Variants in CSMD1 observed in about 807,000 individuals in gnomAD.
CSMD1 encodes CUB and Sushi multiple domains 1, also known as CUB and sushi domain-containing protein 1.
In CSMD1, 213 loss-of-function variants were observed where a neutral mutation model predicts 417.5. The observed-to-expected ratio is 0.51, with a 90% CI of 0.46 to 0.57. The LOEUF (loss-of-function observed/expected upper bound fraction) is 0.57, where lower values mean the gene tolerates loss of function less well. Ranked by LOEUF, CSMD1 falls within the 20% of genes least tolerant of loss-of-function variation. The probability of loss-of-function intolerance (pLI) is 0.00; values close to 1 mark genes in which losing one functional copy is unlikely to be tolerated. For missense variants in CSMD1, 6,923 were observed against 4,529.7 expected (o/e 1.53, Z -15.17); for synonymous variants, 2,862 against 1,736.8 (o/e 1.65, Z -16.11).
At chr8:3,280,628 A>G (rs957452536) in intron 26 of CSMD1, among the ~76,000 whole-genome samples, 2 of 152,178 alleles carry the variant, frequency 1.3e-5, no homozygotes, top group Middle Eastern at 3.2e-3. Flanking sequence ...GTTACGTGAA[A>G]CCATGTGAAA....
At position 4,697,455 on chromosome 8, in the gene CSMD1, A is replaced by C. The variant is rs1288083322; in HGVS notation, c.86-59897T>G. ...ATTTGCTTACAGAGGCAAGTTCAAT[A>C]CGTAAAAAATTTGGCAGCTATTAGG... On this transcript the variant is annotated intron_variant, in intron 1 of 69. Transcript: ENST00000635120. Among the ~76,000 whole-genome samples the C allele has an allele frequency of 2.0e-5, 3 of 152,162 alleles. No homozygotes were observed. In the East Asian group the frequency reaches 5.8e-4, roughly 29 times the overall value.
chr8:4,433,378 G>A (rs1306351607), intron 2 of CSMD1, among the ~76,000 whole-genome samples: 2 of 152,088 alleles, frequency 1.3e-5, no homozygotes, highest in East Asian at 1.9e-4. Context: ...TCATGGACAT[G>A]ACATCATTAC....
intron 3 of CSMD1, among the ~76,000 whole-genome samples, chr8:4,249,545 G>C (rs931780320): frequency 1.3e-5 from 2 of 152,184 alleles, no homozygotes; most frequent in African/African-American, 4.8e-5. Flanking sequence ...GACTCTCAGG[G>C]AGACCTGAGG....
chr8:4,385,960 G>T (rs1278748482), intron 3 of CSMD1, among the ~76,000 whole-genome samples: 1 of 152,212 alleles, frequency 6.6e-6, no homozygotes, highest in East Asian at 1.9e-4. Flanking sequence ...CCAACCCAGA[G>T]CATCAGCATC....
chr8:4,842,071 G>C (rs535105070), intron 1 of CSMD1, among the ~76,000 whole-genome samples: 1 of 152,088 alleles, frequency 6.6e-6, no homozygotes, highest in Non-Finnish European at 1.5e-5. Context: ...AAATTTCCTG[G>C]ACGTCACCTA....
chr8:3,549,864 A>G (rs1361185022), intron 10 of CSMD1, among the ~76,000 whole-genome samples: 1 of 152,222 alleles, frequency 6.6e-6, no homozygotes, highest in African/African-American at 2.4e-5. Flanking sequence ...ACAGTGGAGT[A>G]ACATATGCTC....
chr8:4,105,337 ATTTTT>A (rs35419182), intron 3 of CSMD1, among the ~76,000 whole-genome samples: 1 of 151,140 alleles, frequency 6.6e-6, no homozygotes, highest in Non-Finnish European at 1.5e-5. Flanking sequence ...ACACTTCTGA[ATTTTT>A]TTTTTATGTT....
intron 18 of CSMD1, chr8:3,373,271 C>T (rs1033138555): frequency 6.6e-6 from 1 of 152,092 alleles, no homozygotes. Flanking sequence ...GTGCTCTGCC[C>T]TCTTTTTGAT....
intron 1 of CSMD1, among the ~76,000 whole-genome samples, chr8:4,765,702 T>C (rs891031899): frequency 2.0e-5 from 3 of 152,200 alleles, no homozygotes; most frequent in South Asian, 4.1e-4. Flanking sequence ...CTAATTCAGA[T>C]TGTGCCCAAT....
intron 3 of CSMD1, among the ~76,000 whole-genome samples, chr8:4,120,275 G>T (rs1802407948): frequency 6.7e-6 from 1 of 150,122 alleles, no homozygotes; most frequent in Non-Finnish European, 1.5e-5. Context: ...GTAAAGAAGG[G>T]TTTTCACCTT....
chr8:4,939,600 C>T (rs1807846567), intron 1 of CSMD1, among the ~76,000 whole-genome samples: 1 of 149,536 alleles, frequency 6.7e-6, no homozygotes, highest in African/African-American at 2.4e-5. Flanking sequence ...TAGTTGAACT[C>T]AATGAAGCCG....
chr8:3,907,416 C>T (rs1584945583), intron 5 of CSMD1, among the ~76,000 whole-genome samples: 1 of 152,010 alleles, frequency 6.6e-6, no homozygotes, highest in African/African-American at 2.4e-5. Flanking sequence ...ATTATGTATT[C>T]CCCTTAGAAT....
At chr8:4,816,662 G>A (rs963190566) in intron 1 of CSMD1, among the ~76,000 whole-genome samples, 3 of 152,124 alleles carry the variant, frequency 2.0e-5, no homozygotes, top group Admixed American at 6.5e-5. Flanking sequence ...AATTCCCACT[G>A]GTGAAAGCTC....
At chr8:4,099,067 C>G (rs1215093541) in intron 3 of CSMD1, among the ~76,000 whole-genome samples, 1 of 152,020 alleles carries the variant, frequency 6.6e-6, no homozygotes, top group East Asian at 1.9e-4. Flanking sequence ...TTTTTTTCTT[C>G]TTCATTCTAG....
At chr8:2,983,322 T>C (rs113676975) in intron 54 of CSMD1, among the ~76,000 whole-genome samples, 1 of 151,856 alleles carries the variant, frequency 6.6e-6, no homozygotes, top group Non-Finnish European at 1.5e-5. Context: ...GAGTAGCTGG[T>C]ACTACAGGCA....
intron 1 of CSMD1, among the ~76,000 whole-genome samples, chr8:4,943,459 G>A (rs933954922): frequency 3.3e-5 from 5 of 151,270 alleles, no homozygotes; most frequent in Admixed American, 1.3e-4. Context: ...TCGCACCACT[G>A]CACTCCAGCT....
intron 5 of CSMD1, among the ~76,000 whole-genome samples, chr8:3,979,353 A>G (rs1196771423): frequency 1.3e-5 from 2 of 152,242 alleles, no homozygotes; most frequent in Admixed American, 6.5e-5. Flanking sequence ...GTTCTAAGGC[A>G]TGAGAGAATG....
chr8:3,364,173 A>G (rs1809395936), intron 20 of CSMD1, among the ~76,000 whole-genome samples: 1 of 152,146 alleles, frequency 6.6e-6, no homozygotes, highest in East Asian at 1.9e-4. Context: ...AAAAAACTCC[A>G]TGGTATCAGT....
At chr8:4,345,088 G>A (rs189000042) in intron 3 of CSMD1, among the ~76,000 whole-genome samples, 19 of 152,262 alleles carry the variant, frequency 1.2e-4, no homozygotes, top group African/African-American at 3.6e-4. Flanking sequence ...TTAGAAAGAG[G>A]AGAAATGATG....
Sources: allele counts gnomAD v4.1 joint callset (sites outside exome capture counted in the v4.1 genomes callset), GRCh38; gene constraint gnomAD v4.1.1; transcripts MANE v1.5; gene names NCBI Gene and HGNC (gene_info 2026-07-23, HGNC 2026-07-21).